SLA: variants seen among roughly 807,000 people sequenced by gnomAD.
SLA encodes the protein src-like-adapter.
In SLA, 16 loss-of-function variants were observed where a neutral mutation model predicts 30.3. The observed-to-expected ratio is 0.53, with a 90% CI of 0.36 to 0.80. The LOEUF is 0.80. Among genes scored for constraint, SLA ranks in the 30% least tolerant of loss-of-function variants. The pLI is 0.01. For synonymous variants in SLA, 143 were observed against 137.8 expected, an observed-to-expected ratio of 1.04 and a Z score of -0.26; for missense variants, 310 against 345.2, an observed-to-expected ratio of 0.90 and a Z score of 0.81.
At chr8:133,040,342 A>C in intron 7 of SLA, 1 of 567,580 alleles carries the variant, frequency 1.8e-6, no homozygotes, top group Non-Finnish European at 3.1e-6. Context: ...TATACTCTGC[A>C]CTTAGCCAGG....
At chr8:133,096,426 C>G in intron 1 of SLA, 1 of 1,603,614 alleles carries the variant, frequency 6.2e-7, no homozygotes, top group Non-Finnish European at 8.5e-7. Context: ...CCTAAGGGCT[C>G]TGGACCTCAA....
In SLA at chr8:133,075,127, A is replaced by T; in HGVS notation, c.-315T>A. On this transcript the variant is annotated 5_prime_UTR_variant, in exon 2 of 9. The change creates a new upstream start codon in the 5' untranslated region. Transcript: ENST00000338087. Reference sequence around the variant, plus strand: ...CACTCTGAGCAAGCTTCTCTCTGCAAGGACTGGGAAGATAGATGGGTTATT... The same window carrying T: ...CACTCTGAGCAAGCTTCTCTCTGCATGGACTGGGAAGATAGATGGGTTATT... 1 of 985,442 alleles carries T rather than the reference A, an allele frequency of 1.0e-6. No individual in the cohort carries two copies. Among genetic ancestry groups the T allele is most frequent in the South Asian group, 4.7e-5 (1 of 21,290 alleles). 61.0% of individuals were successfully genotyped at this position (985,442 alleles called of 1,614,324 possible).
intron 7 of SLA, among the ~76,000 whole-genome samples, chr8:133,043,147 G>T (rs905885160): frequency 1.3e-5 from 2 of 152,100 alleles, no homozygotes; most frequent in South Asian, 4.1e-4. Context: ...TGAGTGGTTC[G>T]ATGACCAGGA....
intron 1 of SLA, among the ~76,000 whole-genome samples, chr8:133,081,171 A>G (rs1025090245): frequency 6.6e-6 from 1 of 152,266 alleles, no homozygotes; most frequent in South Asian, 2.1e-4. Context: ...GACCCACCAG[A>G]TAGAGGTGCT....
intron 2 of SLA, among the ~76,000 whole-genome samples, chr8:133,065,590 C>T (rs1311013567): frequency 2.6e-5 from 4 of 151,980 alleles, no homozygotes; most frequent in South Asian, 2.1e-4. Flanking sequence ...GGAGGAACCC[C>T]GTCTCTACTA....
intron 1 of SLA, 68 bp downstream of exon 1, chr8:133,102,485 C>A (rs1044674260): frequency 4.9e-6 from 7 of 1,436,416 alleles, no homozygotes; most frequent in South Asian, 1.2e-5. Context: ...GACCCTCCCC[C>A]ACATACCACC....
Position 133,060,107 on chromosome 8 carries a change from G to T in SLA, c.54C>A (p.Asn18Lys), listed in dbSNP as rs756876988. Residue 18 changes from asparagine (N) to lysine (K), a missense_variant, in exon 3 of 9, where the codon AAC becomes AAA. By Grantham distance (94) the Asn-to-Lys change is moderately conservative. Coordinates refer to ENST00000338087, the MANE Select transcript of SLA (RefSeq NM_001045556.3). Reference protein sequence around the residue: ...TPAPAERPLPNPEGLDSDFLA... With the variant: ...TPAPAERPLPKPEGLDSDFLA... ...CAGAGAAGCCAGACTTACCCTCCGG[G>T]TTGGGCAGGGGCCTCTCGGCAGGCG... 5 of 1,599,238 alleles carry T rather than the reference G, an allele frequency of 3.1e-6. No individual in the cohort carries two copies. In the African/African-American group the frequency reaches 6.8e-5, roughly 22 times the overall value.
Position 133,038,211 on chromosome 8 carries a change from C to A in SLA, c.*313G>T. 1 of 373,534 alleles carries A rather than the reference C, an allele frequency of 2.7e-6. No individual in the cohort carries two copies. The highest frequency in any genetic ancestry group is 5.0e-6 in the Non-Finnish European group (1 of 199,956). The allele number at this position is 373,534 out of a possible 1,614,324, so 23.1% of individuals were successfully genotyped here. On this transcript the variant is annotated 3_prime_UTR_variant, in exon 9 of 9. Coordinates refer to ENST00000338087, the MANE Select transcript of SLA (RefSeq NM_001045556.3). ...TTGGAGAGCAGTCCTGGTGCCCTTT[C>A]TTGTGAGAGTGGCTTTGTCCTTCCC... is the stretch of plus-strand genomic sequence containing the variant.
At chr8:133,075,257 T>C in intron 1 of SLA, 127 bp from the exon 2 acceptor site, 1 of 397,638 alleles carries the variant, frequency 2.5e-6, no homozygotes, top group Non-Finnish European at 3.4e-6. Flanking sequence ...TCAATGGGGC[T>C]GTGAATTTGC....
intron 1 of SLA, among the ~76,000 whole-genome samples, chr8:133,080,979 G>T (rs546290676): frequency 6.6e-6 from 1 of 152,238 alleles, no homozygotes; most frequent in South Asian, 2.1e-4. Flanking sequence ...GACACATTGC[G>T]TATTGGAGTA....
At chr8:133,071,791 C>T (rs963941413) in intron 2 of SLA, among the ~76,000 whole-genome samples, 2 of 152,158 alleles carry the variant, frequency 1.3e-5, no homozygotes, top group Admixed American at 1.3e-4. Flanking sequence ...TCCTTCACGG[C>T]ACATACCACG....
chr8:133,064,938 A>G (rs764836715), intron 2 of SLA, among the ~76,000 whole-genome samples: 7 of 152,192 alleles, frequency 4.6e-5, no homozygotes, highest in South Asian at 2.1e-4. Context: ...AAGTCCAACC[A>G]AGGGAAGGCA....
chr8:133,047,862 G>T lies in SLA; in HGVS notation c.320C>A (p.Ser107Tyr). The change falls in exon 6 of 9, where the codon TCC (serine) becomes TAC (tyrosine). Residue 107 changes from serine (S) to tyrosine (Y), a missense_variant. Ser to Tyr is a moderately radical substitution (Grantham distance 144, BLOSUM62 -2). Transcript: ENST00000338087. ...LLQLPDTKVG[S>Y]FMIRESETKK... ...GGTCTCACTCTCTCTGATCATGAAG[G>T]AGCCGACCTTTGTGTCTGGCAGCTG... 1 of 1,610,704 alleles carries T rather than the reference G, an allele frequency of 6.2e-7. No individual in the cohort carries two copies. The highest frequency in any genetic ancestry group is 8.5e-7 in the Non-Finnish European group (1 of 1,176,942).
At chr8:133,090,181 T>G (rs1847262066) in intron 1 of SLA, 1 of 152,222 alleles carries the variant, frequency 6.6e-6, no homozygotes. Context: ...TGGCAATTGA[T>G]TTCAATAAGC....
intron 1 of SLA, among the ~76,000 whole-genome samples, chr8:133,098,414 C>T (rs144881300): frequency 1.4e-3 from 220 of 152,326 alleles, no homozygotes; most frequent in Middle Eastern, 6.8e-3. Flanking sequence ...TAAACACTGT[C>T]CGCCCTGGAG....
chr8:133,071,219 C>T (rs1377254166), intron 2 of SLA, among the ~76,000 whole-genome samples: 1 of 152,216 alleles, frequency 6.6e-6, no homozygotes, highest in African/African-American at 2.4e-5. Context: ...TCCACTTGAC[C>T]TCCACAACTC....
At chr8:133,095,328 A>C (rs576786248) in intron 1 of SLA, 1 of 1,388,606 alleles carries the variant, frequency 7.2e-7, no homozygotes, top group Non-Finnish European at 1.0e-6. Flanking sequence ...CTGATGACCA[A>C]CTGGAGCTGG....
At chr8:133,039,548 C>A (rs1038732234) in intron 8 of SLA, among the ~76,000 whole-genome samples, 3 of 152,064 alleles carry the variant, frequency 2.0e-5, no homozygotes, top group African/African-American at 2.4e-5. Flanking sequence ...ATAAACAGAA[C>A]AAATCCATGA....
intron 3 of SLA, among the ~76,000 whole-genome samples, chr8:133,052,876 G>A (rs556478701): frequency 4.6e-5 from 7 of 152,302 alleles, no homozygotes; most frequent in African/African-American, 9.6e-5. Context: ...TGAGTGGGAC[G>A]CCTCCTTCTC....
Sources: gnomAD v4.1 joint callset for allele counts (sites outside exome capture counted in the v4.1 genomes callset) on GRCh38, gnomAD v4.1.1 for gene constraint, MANE v1.5 for transcripts, NCBI Gene and HGNC (gene_info 2026-07-23, HGNC 2026-07-21) for gene names.